KYNU: variants seen among roughly 807,000 people sequenced by gnomAD.
KYNU encodes the protein kynureninase.
KYNU carries 54 observed loss-of-function variants against 59.2 expected under a neutral mutation model. The observed-to-expected ratio is 0.91, with a 90% CI of 0.73 to 1.14. The LOEUF is 1.14. Ranked by LOEUF, KYNU falls within the 50% of genes most tolerant of loss-of-function variation. KYNU has a pLI of 0.00. For missense variants in KYNU, 567 were observed against 554.4 expected (o/e 1.02, Z -0.23); for synonymous variants, 177 against 192.0 (o/e 0.92, Z 0.65).
At chr2:143,026,568 T>C (rs537464815) in intron 10 of KYNU, among the ~76,000 whole-genome samples, 1 of 152,272 alleles carries the variant, frequency 6.6e-6, no homozygotes, top group Non-Finnish European at 1.5e-5. Flanking sequence ...ACCTGCAGCG[T>C]TCCACCCCTC....
chr2:142,985,342 G>C (rs767453984), intron 9 of KYNU, among the ~76,000 whole-genome samples, 160 bp downstream of exon 9: 2 of 151,866 alleles, frequency 1.3e-5, no homozygotes, highest in East Asian at 3.9e-4. Context: ...TGATGGAATA[G>C]TATGATAATT....
At chr2:142,927,419 A>T (rs1031803608) in intron 3 of KYNU, among the ~76,000 whole-genome samples, 1 of 151,320 alleles carries the variant, frequency 6.6e-6, no homozygotes, top group Non-Finnish European at 1.5e-5. Flanking sequence ...TATTAAAATA[A>T]CATATGAACA....
At chr2:142,883,352 G>A (rs60724466) in intron 1 of KYNU, among the ~76,000 whole-genome samples, 105 of 151,314 alleles carry the variant, frequency 6.9e-4, no homozygotes, top group African/African-American at 2.5e-3. Context: ...CCGCCACCTC[G>A]CACGGCTAAT....
chr2:142,901,235 A>G (rs1341156962), intron 2 of KYNU, among the ~76,000 whole-genome samples: 2 of 152,024 alleles, frequency 1.3e-5, no homozygotes, highest in Non-Finnish European at 1.5e-5. Context: ...AGGTTTGGTG[A>G]AGGGTTTTAA....
intron 10 of KYNU, among the ~76,000 whole-genome samples, chr2:143,012,897 T>G (rs2105205854): frequency 6.6e-6 from 1 of 152,364 alleles, no homozygotes; most frequent in Non-Finnish European, 1.5e-5. Context: ...TCTTTTGTTC[T>G]CTATCTCTGT....
chr2:143,042,442 A>C lies in KYNU; in HGVS notation c.*270A>C. 4.2e-6 allele frequency: 1 copy of C among 240,738 alleles called. No homozygotes were observed. The allele number at this position is 240,738 out of a possible 1,614,324, so 14.9% of individuals were successfully genotyped here. A position where few individuals can be genotyped will look rare whatever the true frequency, so the allele number is the denominator to read the frequency against. On this transcript the variant is annotated 3_prime_UTR_variant, in exon 14 of 14. Coordinates refer to ENST00000264170, the MANE Select transcript of KYNU (RefSeq NM_003937.3). ...CAGTCTCTATAAGCTGTCACATTTCATGGTCATTGAAATGTTTTATGTTGG... is the reference window on the plus strand; with the variant it reads ...CAGTCTCTATAAGCTGTCACATTTCCTGGTCATTGAAATGTTTTATGTTGG...
chr2:143,007,368 A>G (rs1012730356), intron 10 of KYNU, among the ~76,000 whole-genome samples: 1 of 148,134 alleles, frequency 6.8e-6, no homozygotes, highest in Non-Finnish European at 1.5e-5. Flanking sequence ...AAACGAATAA[A>G]AAGAAATGAG....
At chr2:143,035,298 G>A (rs1686864429) in intron 12 of KYNU, among the ~76,000 whole-genome samples, 1 of 152,136 alleles carries the variant, frequency 6.6e-6, no homozygotes, top group African/African-American at 2.4e-5. Context: ...CATTTCTCTG[G>A]ATCTTCTAAT....
Position 143,009,098 on chromosome 2 carries a change from C to CA in KYNU, c.903-20522dup, listed in dbSNP as rs1436926372. On this transcript the variant is annotated intron_variant, in intron 10 of 13. Transcript: ENST00000264170. Reference sequence around the variant, plus strand: ...GGAAATAGAGACACAAAAAACCCTTCAAAAAAATCAATGAATCCAGGAGCT... The same window carrying CA: ...GGAAATAGAGACACAAAAAACCCTTCAAAAAAAATCAATGAATCCAGGAGCT... Among the ~76,000 whole-genome samples the CA allele has an allele frequency of 8.4e-4, 99 of 118,118 alleles. 1 individual carries two copies. The highest frequency in any genetic ancestry group is 3.5e-3 in the African/African-American group (95 of 27,302). The allele number at this position is 118,118 out of a possible 152,430, so 77.5% of individuals were successfully genotyped here.
At chr2:142,894,449 CTTTT>C (rs1286960390) in intron 2 of KYNU, among the ~76,000 whole-genome samples, 1 of 152,070 alleles carries the variant, frequency 6.6e-6, no homozygotes, top group African/African-American at 2.4e-5. Context: ...AAAGAATATA[CTTTT>C]TTATTTAGTA....
At position 142,956,267 on chromosome 2, in the gene KYNU, C is replaced by A. The variant is rs764685144; in HGVS notation, c.500C>A (p.Ser167Tyr). Residue 167 changes from serine (S) to tyrosine (Y), a missense_variant, in exon 6 of 14, where the codon TCT becomes TAT. Ser to Tyr is a moderately radical substitution (Grantham distance 144). Transcript: ENST00000264170. ...KILLEAKAFPSDHYAIESQLQ... is the reference protein window; with the variant it reads ...KILLEAKAFPYDHYAIESQLQ... ...CTTCTAGAAGCCAAAGCCTTCCCTT[C>A]TGATCATGTAAGGACTTCTTCAAAT... 1 of 1,593,928 alleles carries A rather than the reference C, an allele frequency of 6.3e-7. No homozygotes were observed. The highest frequency in any genetic ancestry group is 8.6e-7 in the Non-Finnish European group (1 of 1,162,298).
intron 8 of KYNU, among the ~76,000 whole-genome samples, chr2:142,962,835 G>A (rs981970295): frequency 1.6e-4 from 24 of 152,104 alleles, no homozygotes; most frequent in Admixed American, 1.4e-3. Context: ...CCAAGGTGAG[G>A]CAAAGTTCTT....
intron 8 of KYNU, among the ~76,000 whole-genome samples, chr2:142,973,076 ATAAAC>A (rs1467662358): frequency 6.7e-6 from 1 of 150,062 alleles, no homozygotes; most frequent in Non-Finnish European, 1.5e-5. Flanking sequence ...ATATTTATAT[ATAAAC>A]TAATCTCATA....
At chr2:143,012,988 C>A (rs952606037) in intron 10 of KYNU, among the ~76,000 whole-genome samples, 1 of 151,434 alleles carries the variant, frequency 6.6e-6, no homozygotes, top group Non-Finnish European at 1.5e-5. Flanking sequence ...TTCTTTTTTT[C>A]TTATTAATTT....
chr2:143,030,099 T>C (rs188220698), intron 11 of KYNU, among the ~76,000 whole-genome samples: 3 of 152,374 alleles, frequency 2.0e-5, no homozygotes, highest in East Asian at 3.9e-4. Context: ...TTGTTTTTTC[T>C]TTCCCACTTA....
intron 4 of KYNU, among the ~76,000 whole-genome samples, chr2:142,952,249 T>C (rs1684016003): frequency 6.6e-6 from 1 of 152,084 alleles, no homozygotes; most frequent in South Asian, 2.1e-4. Context: ...CTGTTTTTTG[T>C]ATTTTTAGTA....
chr2:142,951,807 G>T (rs1683999539), intron 4 of KYNU, among the ~76,000 whole-genome samples: 1 of 152,180 alleles, frequency 6.6e-6, no homozygotes, highest in Non-Finnish European at 1.5e-5. Context: ...GTGGTCCATT[G>T]TACAATAATG....
At chr2:142,981,014 T>G (rs2105148353) in intron 8 of KYNU, among the ~76,000 whole-genome samples, 1 of 152,254 alleles carries the variant, frequency 6.6e-6, no homozygotes, top group East Asian at 1.9e-4. Context: ...CACTTTGCAG[T>G]GATATTCATG....
At position 142,960,545 on chromosome 2, in the gene KYNU, G is replaced by A. The variant is rs1010471886; in HGVS notation, c.583-79G>A. 238 of 1,357,588 alleles carry A rather than the reference G, an allele frequency of 1.8e-4. 1 individual carries two copies. In the East Asian group the frequency reaches 4.7e-3, roughly 27 times the overall value. 84.1% of individuals were successfully genotyped at this position (1,357,588 alleles called of 1,614,324 possible). On this transcript the variant is annotated intron_variant, in intron 7 of 13. Transcript: ENST00000264170. ...TATTTTATAATGCAAAAGGGCTCACGGTGAAATTTAGATCGGCAATATGAA... is the reference window on the plus strand; with the variant it reads ...TATTTTATAATGCAAAAGGGCTCACAGTGAAATTTAGATCGGCAATATGAA...
Sources: gnomAD v4.1 joint callset for allele counts (sites outside exome capture counted in the v4.1 genomes callset) on GRCh38, gnomAD v4.1.1 for gene constraint, MANE v1.5 for transcripts, NCBI Gene and HGNC (gene_info 2026-07-23, HGNC 2026-07-21) for gene names.